The following NPAS3 variants were observed in gnomAD, a reference collection of about 807,000 sequenced individuals.
NPAS3 encodes neuronal PAS domain protein 3.
A neutral mutation model predicts 73.1 loss-of-function variants in NPAS3; 14 were observed. The ratio of observed to expected loss-of-function variants is 0.19; its 90% CI spans 0.13 to 0.30. The LOEUF (loss-of-function observed/expected upper bound fraction) is 0.30, where lower values mean the gene tolerates loss of function less well. Ranked by LOEUF, NPAS3 falls within the 10% of genes least tolerant of loss-of-function variation. The pLI, the probability that NPAS3 is intolerant of heterozygous loss-of-function variation, is 1.00. For missense variants in NPAS3, 1,096 were observed against 1,250.0 expected (o/e 0.88, Z 1.86); for synonymous variants, 620 against 541.5 (o/e 1.14, Z -2.01).
intron 3 of NPAS3, among the ~76,000 whole-genome samples, chr14:33,308,568 T>C (rs61972712): frequency 8.8e-4 from 39 of 44,138 alleles, no homozygotes; most frequent in African/African-American, 1.6e-3. Context: ...ACATACATTA[T>C]ATATATGTAT....
chr14:33,793,117 T>C (rs917702140), intron 9 of NPAS3, among the ~76,000 whole-genome samples: 13 of 152,232 alleles, frequency 8.5e-5, no homozygotes, highest in Non-Finnish European at 1.3e-4. Flanking sequence ...ATTTTAAAGC[T>C]CTCTTTCAGT....
intron 4 of NPAS3, among the ~76,000 whole-genome samples, chr14:33,521,619 G>A (rs17499486): frequency 0.21 from 32,279 of 151,188 alleles, 3,679 homozygotes; most frequent in African/African-American, 0.28. Flanking sequence ...ATTTCTATTC[G>A]TAGCATCGAA....
At chr14:32,962,756 T>C (rs2139237110) in intron 1 of NPAS3, among the ~76,000 whole-genome samples, 1 of 151,498 alleles carries the variant, frequency 6.6e-6, no homozygotes, top group Non-Finnish European at 1.5e-5. Flanking sequence ...AGAGACGGGG[T>C]TTCACCATGT....
At chr14:33,167,655 T>A (rs1183249301) in intron 2 of NPAS3, among the ~76,000 whole-genome samples, 1 of 152,208 alleles carries the variant, frequency 6.6e-6, no homozygotes, top group Non-Finnish European at 1.5e-5. Flanking sequence ...GTCCAGAATT[T>A]GTTCATTCTT....
At chr14:33,382,599 A>T (rs1417524559) in intron 4 of NPAS3, among the ~76,000 whole-genome samples, 4 of 152,144 alleles carry the variant, frequency 2.6e-5, no homozygotes, top group Non-Finnish European at 5.9e-5. Flanking sequence ...GTTATATATA[A>T]GGCTCATCAA....
intron 2 of NPAS3, among the ~76,000 whole-genome samples, chr14:33,065,101 C>T (rs1350618791): frequency 2.0e-5 from 3 of 152,130 alleles, no homozygotes; most frequent in Non-Finnish European, 2.9e-5. Context: ...TAAATTCAAG[C>T]GAGAACTAGT....
intron 4 of NPAS3, among the ~76,000 whole-genome samples, chr14:33,540,978 T>G (rs1489504938): frequency 6.6e-6 from 1 of 152,114 alleles, no homozygotes; most frequent in Non-Finnish European, 1.5e-5. Flanking sequence ...TTAATGCGTT[T>G]TCCCCCCCAA....
At chr14:33,769,884 C>G (rs2062597243) in intron 7 of NPAS3, among the ~76,000 whole-genome samples, 1 of 148,628 alleles carries the variant, frequency 6.7e-6, no homozygotes, top group Non-Finnish European at 1.5e-5. Flanking sequence ...CAAACCTCAG[C>G]CTCCAAGTAG....
At chr14:32,963,773 T>C (rs1168341793) in intron 1 of NPAS3, among the ~76,000 whole-genome samples, 1 of 152,260 alleles carries the variant, frequency 6.6e-6, no homozygotes, top group African/African-American at 2.4e-5. Flanking sequence ...AGGTAATGCA[T>C]TGGAAAATGC....
At chr14:33,056,626 T>C (rs2040899051) in intron 2 of NPAS3, among the ~76,000 whole-genome samples, 1 of 152,228 alleles carries the variant, frequency 6.6e-6, no homozygotes, top group Non-Finnish European at 1.5e-5. Flanking sequence ...TTACTATCAC[T>C]GAAGTAAACA....
intron 6 of NPAS3, among the ~76,000 whole-genome samples, chr14:33,693,288 G>A (rs978166712): frequency 1.3e-5 from 2 of 152,140 alleles, no homozygotes; most frequent in African/African-American, 4.8e-5. Context: ...CAACTGTTAT[G>A]ACCAATCCCT....
chr14:33,374,704 C>T (rs58682578), intron 4 of NPAS3, among the ~76,000 whole-genome samples: 24 of 49,456 alleles, frequency 4.9e-4, no homozygotes, highest in South Asian at 1.8e-3. Context: ...TGTGTCGGGG[C>T]GGGGGGGGGA....
At chr14:33,322,299 G>C (rs1477694589) in intron 3 of NPAS3, among the ~76,000 whole-genome samples, 1 of 152,168 alleles carries the variant, frequency 6.6e-6, no homozygotes, top group Non-Finnish European at 1.5e-5. Context: ...CTTGGTTAAA[G>C]GCATCTGCCC....
At chr14:33,378,510 C>A (rs557563162) in intron 4 of NPAS3, among the ~76,000 whole-genome samples, 2 of 152,150 alleles carry the variant, frequency 1.3e-5, no homozygotes, top group Non-Finnish European at 2.9e-5. Flanking sequence ...GTGGCACGTG[C>A]TTGTAATCCC....
chr14:33,054,703 C>T (rs1247037297), intron 1 of NPAS3, among the ~76,000 whole-genome samples: 1 of 151,674 alleles, frequency 6.6e-6, no homozygotes, highest in African/African-American at 2.4e-5. Context: ...AACTCTGCCT[C>T]CCAGATTCAC....
chr14:33,569,121 A>G (rs1202928406), intron 5 of NPAS3, among the ~76,000 whole-genome samples: 1 of 152,192 alleles, frequency 6.6e-6, no homozygotes, highest in African/African-American at 2.4e-5. Flanking sequence ...ATGACTCACT[A>G]AAGCAGCACA....
chr14:32,979,747 T>A (rs989976098), intron 1 of NPAS3, among the ~76,000 whole-genome samples: 1 of 152,144 alleles, frequency 6.6e-6, no homozygotes, highest in Non-Finnish European at 1.5e-5. Flanking sequence ...GGTTTTGAAA[T>A]TTTCACTTTT....
At chr14:33,755,062 C>T (rs954979264) in intron 7 of NPAS3, among the ~76,000 whole-genome samples, 5 of 152,110 alleles carry the variant, frequency 3.3e-5, no homozygotes, top group Non-Finnish European at 7.4e-5. Context: ...TTTTAGTCCT[C>T]GTTTTGCCAC....
intron 2 of NPAS3, among the ~76,000 whole-genome samples, chr14:33,171,167 G>C (rs1270267942): frequency 6.6e-6 from 1 of 152,212 alleles, no homozygotes; most frequent in African/African-American, 2.4e-5. Context: ...GGGTGACCGA[G>C]TGCATTGTCA....
Sources: gnomAD v4.1 joint callset for allele counts (sites outside exome capture counted in the v4.1 genomes callset) on GRCh38, gnomAD v4.1.1 for gene constraint, MANE v1.5 for transcripts, NCBI Gene and HGNC (gene_info 2026-07-23, HGNC 2026-07-21) for gene names.